SAMD3: variants seen among roughly 807,000 people sequenced by gnomAD.
SAMD3 encodes the protein sterile alpha motif domain containing 3.
SAMD3 carries 63 observed loss-of-function variants against 58.5 expected under a neutral mutation model. That is an observed-to-expected ratio of 1.08 (90% CI 0.88 to 1.33). SAMD3 has a LOEUF of 1.33. Among genes scored for constraint, SAMD3 ranks in the 40% most tolerant of loss-of-function variants. The pLI, the probability that SAMD3 is intolerant of heterozygous loss-of-function variation, is 0.00. For missense variants in SAMD3, 604 were observed against 608.4 expected (o/e 0.99, Z 0.08); for synonymous variants, 220 against 210.3 (o/e 1.05, Z -0.40).
chr6:130,169,774 G>A (rs1403436816), intron 8 of SAMD3, among the ~76,000 whole-genome samples: 2 of 152,206 alleles, frequency 1.3e-5, no homozygotes, highest in African/African-American at 2.4e-5. Context: ...GTCAACACAA[G>A]AGGTGGGCTT....
intron 1 of SAMD3, among the ~76,000 whole-genome samples, chr6:130,327,917 T>C (rs1776807096): frequency 6.6e-6 from 1 of 152,182 alleles, no homozygotes; most frequent in South Asian, 2.1e-4. Flanking sequence ...AAGCATTTTT[T>C]CAAACCAATC....
intron 2 of SAMD3, among the ~76,000 whole-genome samples, chr6:130,260,408 ACG>A (rs1774080765): frequency 2.0e-5 from 3 of 152,018 alleles, no homozygotes; most frequent in Non-Finnish European, 4.4e-5. Flanking sequence ...AGCCCCTGTC[ACG>A]TACCTCTTGC....
At chr6:130,306,801 A>G (rs769087349) in intron 2 of SAMD3, among the ~76,000 whole-genome samples, 30 of 152,320 alleles carry the variant, frequency 2.0e-4, no homozygotes, top group African/African-American at 5.5e-4. Context: ...TTCTTTTTCT[A>G]TTCTTTGAAA....
At chr6:130,275,353 G>T (rs576383134) in intron 2 of SAMD3, among the ~76,000 whole-genome samples, 5 of 151,950 alleles carry the variant, frequency 3.3e-5, no homozygotes, top group Non-Finnish European at 7.4e-5. Context: ...AAAAATAGTC[G>T]AAAGAGATTT....
At chr6:130,314,338 G>C (rs925644505) in intron 1 of SAMD3, among the ~76,000 whole-genome samples, 5 of 152,174 alleles carry the variant, frequency 3.3e-5, no homozygotes, top group Admixed American at 6.5e-5. Context: ...CTCCAAAATA[G>C]ACACCTTTAA....
chr6:130,255,243 G>C (rs879775956), intron 2 of SAMD3, among the ~76,000 whole-genome samples: 2 of 152,160 alleles, frequency 1.3e-5, no homozygotes, highest in Non-Finnish European at 2.9e-5. Flanking sequence ...AGAATGTTCT[G>C]TGTGTGCTTA....
At chr6:130,148,861 C>T (rs1788876047) in intron 9 of SAMD3, among the ~76,000 whole-genome samples, 1 of 151,620 alleles carries the variant, frequency 6.6e-6, no homozygotes, top group Admixed American at 6.6e-5. Flanking sequence ...GAGAGACTTT[C>T]TCAAAAAAAA....
intron 5 of SAMD3, among the ~76,000 whole-genome samples, chr6:130,188,677 A>T (rs1470755656): frequency 6.6e-6 from 1 of 152,172 alleles, no homozygotes; most frequent in Non-Finnish European, 1.5e-5. Context: ...TGATTTCCTG[A>T]TTGACAAATT....
intron 8 of SAMD3, chr6:130,160,049 G>C (rs1352102567): frequency 6.6e-6 from 1 of 152,118 alleles, no homozygotes; most frequent in African/African-American, 2.4e-5. Context: ...TAATCATCCA[G>C]GAAAATAATT....
intron 9 of SAMD3, among the ~76,000 whole-genome samples, chr6:130,152,124 C>T (rs1399222286): frequency 6.6e-6 from 1 of 151,988 alleles, no homozygotes; most frequent in East Asian, 1.9e-4. Flanking sequence ...CCGGCTGCTG[C>T]TGTTCTGCCA....
At position 130,203,834 on chromosome 6, in the gene SAMD3, A is replaced by G. The variant is rs1794847164; in HGVS notation, c.383+5661T>C. Among the ~76,000 whole-genome samples the G allele has an allele frequency of 2.0e-5, 3 of 152,342 alleles. No homozygotes were observed. In the South Asian group the frequency reaches 6.2e-4, roughly 32 times the overall value. On this transcript the variant is annotated intron_variant, in intron 5 of 11. Coordinates refer to ENST00000439090, the MANE Select transcript of SAMD3 (RefSeq NM_001017373.4). ...AACTGGAACCTGCATTAATGAACCCATAACTAGGCTGGCACACTTCCTTGC... is the reference window on the plus strand; with the variant it reads ...AACTGGAACCTGCATTAATGAACCCGTAACTAGGCTGGCACACTTCCTTGC...
chr6:130,142,785 C>T (rs1788343430), downstream of SAMD3: 1 of 152,152 alleles, frequency 6.6e-6, no homozygotes. Flanking sequence ...GAGAGGCTGT[C>T]ATTCAACTTC....
At chr6:130,241,815 T>G (rs983233707) in intron 2 of SAMD3, among the ~76,000 whole-genome samples, 1 of 152,156 alleles carries the variant, frequency 6.6e-6, no homozygotes, top group Non-Finnish European at 1.5e-5. Flanking sequence ...CTTTTTTTAA[T>G]TTTTAATTTT....
upstream of SAMD3, among the ~76,000 whole-genome samples, chr6:130,227,257 TA>T (rs1796407081): frequency 6.6e-6 from 1 of 152,220 alleles, no homozygotes. Flanking sequence ...TTTCTCTCAG[TA>T]TAATGTTTTC....
chr6:130,280,535 C>T (rs1774944959), intron 2 of SAMD3, among the ~76,000 whole-genome samples: 1 of 152,164 alleles, frequency 6.6e-6, no homozygotes, highest in Non-Finnish European at 1.5e-5. Flanking sequence ...CTAGCCTCTC[C>T]TCTGAACTCT....
At chr6:130,305,082 G>A (rs113663176) in intron 2 of SAMD3, among the ~76,000 whole-genome samples, 2,959 of 151,844 alleles carry the variant, frequency 0.019, 51 homozygotes, top group African/African-American at 0.045. Context: ...CCACACATGT[G>A]CATCAGCATG....
At chr6:130,186,029 A>G (rs530109621) in intron 5 of SAMD3, among the ~76,000 whole-genome samples, 6 of 152,304 alleles carry the variant, frequency 3.9e-5, no homozygotes, top group African/African-American at 1.4e-4. Flanking sequence ...CCTTAAAGTT[A>G]GTGACTGACC....
At chr6:130,320,089 A>G (rs1018339939) in intron 1 of SAMD3, among the ~76,000 whole-genome samples, 3 of 152,194 alleles carry the variant, frequency 2.0e-5, no homozygotes, top group Admixed American at 2.0e-4. Flanking sequence ...CATCCAAAAG[A>G]AGGCAGTAAA....
At chr6:130,189,428 TA>T (rs1793326750) in intron 5 of SAMD3, among the ~76,000 whole-genome samples, 1 of 152,160 alleles carries the variant, frequency 6.6e-6, no homozygotes, top group Non-Finnish European at 1.5e-5. Context: ...CACCAAAAAA[TA>T]AATTTCTATG....
Sources: allele counts gnomAD v4.1 joint callset (sites outside exome capture counted in the v4.1 genomes callset), GRCh38; gene constraint gnomAD v4.1.1; transcripts MANE v1.5; gene names NCBI Gene and HGNC (gene_info 2026-07-23, HGNC 2026-07-21).